Variants in FMN1 observed in about 807,000 individuals in gnomAD.
FMN1 encodes the protein formin 1, also known as formin-1.
Under a neutral mutation model 132.4 loss-of-function variants are expected in FMN1, and 110 were observed. The ratio of observed to expected loss-of-function variants is 0.83; its 90% confidence interval spans 0.71 to 0.97. FMN1 has a LOEUF of 0.97. Among genes scored for constraint, FMN1 ranks in the 50% least tolerant of loss-of-function variants. The pLI is 0.00. For missense variants in FMN1, 1,792 were observed against 1,705.3 expected (o/e 1.05, Z -0.90); for synonymous variants, 722 against 651.7 (o/e 1.11, Z -1.64).
intron 6 of FMN1, among the ~76,000 whole-genome samples, chr15:33,056,087 A>G (rs1041996868): frequency 2.6e-5 from 4 of 152,216 alleles, no homozygotes; most frequent in Non-Finnish European, 5.9e-5. Context: ...GCACTGTCAT[A>G]TGCTGCTGGT....
At chr15:32,916,182 G>A (rs1478919333) in intron 10 of FMN1, among the ~76,000 whole-genome samples, 1 of 152,180 alleles carries the variant, frequency 6.6e-6, no homozygotes, top group Non-Finnish European at 1.5e-5. Flanking sequence ...TAGGGCACAT[G>A]CAAGGGGTCA....
At chr15:33,075,114 T>TTA (rs1051649006) in intron 5 of FMN1, among the ~76,000 whole-genome samples, 1 of 149,590 alleles carries the variant, frequency 6.7e-6, no homozygotes, top group Non-Finnish European at 1.5e-5. Flanking sequence ...CTGGGGCAAG[T>TTA]TATATATAAG....
At chr15:32,832,261 A>G (rs1464177821) in intron 17 of FMN1, among the ~76,000 whole-genome samples, 1 of 152,208 alleles carries the variant, frequency 6.6e-6, no homozygotes, top group Non-Finnish European at 1.5e-5. Flanking sequence ...CGATGGATTT[A>G]ATGCTTTTGT....
At chr15:33,071,748 A>T (rs1046584421) in intron 5 of FMN1, among the ~76,000 whole-genome samples, 10 of 152,218 alleles carry the variant, frequency 6.6e-5, no homozygotes, top group African/African-American at 2.4e-4. Context: ...TCATGACCAT[A>T]AAAAATGTTA....
intron 16 of FMN1, among the ~76,000 whole-genome samples, chr15:32,870,472 T>G (rs891577093): frequency 1.1e-4 from 17 of 152,294 alleles, no homozygotes; most frequent in African/African-American, 4.1e-4. Flanking sequence ...ATGAAAAAAT[T>G]TAAGCAGAGG....
intron 16 of FMN1, among the ~76,000 whole-genome samples, chr15:32,857,876 C>T (rs1176769216): frequency 2.6e-5 from 4 of 152,204 alleles, no homozygotes; most frequent in Non-Finnish European, 5.9e-5. Context: ...GTTAACCCAG[C>T]CAAGAGGCAT....
At chr15:33,175,357 C>T (rs2140329675) in intron 3 of FMN1, among the ~76,000 whole-genome samples, 1 of 152,286 alleles carries the variant, frequency 6.6e-6, no homozygotes, top group Non-Finnish European at 1.5e-5. Context: ...GCGTAAGCCA[C>T]CATGCCCAAC....
intron 6 of FMN1, among the ~76,000 whole-genome samples, chr15:33,044,202 T>C (rs1184071101): frequency 6.6e-6 from 1 of 152,204 alleles, no homozygotes; most frequent in African/African-American, 2.4e-5. Flanking sequence ...GAGGGCAGCT[T>C]AGCATTGGCC....
chr15:33,050,021 C>G lies in FMN1; in HGVS notation c.2161+14936G>C, dbSNP rs574005776. ...ACCATTCTATTTTTCACTTCTGGTA[C>G]AGTATTCAACAAATTATATTAGATA... is the stretch of plus-strand genomic sequence containing the variant. On this transcript the variant is annotated intron_variant, in intron 6 of 20. Transcript: ENST00000616417. 1.4e-3 allele frequency among the ~76,000 whole-genome samples: 210 copies of G among 152,292 alleles called. 1 individual carries two copies. Among genetic ancestry groups the G allele is most frequent in the African/African-American group, 4.5e-3 (186 of 41,546 alleles).
chr15:33,116,885 G>A lies in FMN1; in HGVS notation c.1868-27911C>T, dbSNP rs16965114. On this transcript the variant is annotated intron_variant, in intron 4 of 20. Coordinates refer to ENST00000616417, the MANE Select transcript of FMN1 (RefSeq NM_001277313.2). ...AACAGAGATCTTTCGAAAGTTTGTT[G>A]AGGATTAAAGAAAACGAAGTACTTG... Among the ~76,000 whole-genome samples the A allele has an allele frequency of 3.1e-3, 465 of 152,214 alleles. 3 individuals carry two copies. The highest frequency in any genetic ancestry group is 0.01 in the African/African-American group (434 of 41,536).
chr15:33,040,608 T>A (rs2036388330), intron 6 of FMN1, among the ~76,000 whole-genome samples: 1 of 152,208 alleles, frequency 6.6e-6, no homozygotes, highest in African/African-American at 2.4e-5. Context: ...TTAGATATGA[T>A]CTGGGAGCAA....
chr15:32,963,969 G>T, intron 9 of FMN1, 138 bp downstream of exon 9: 4 of 443,518 alleles, frequency 9.0e-6, no homozygotes, highest in South Asian at 6.3e-5. Flanking sequence ...AAATTCCTAT[G>T]ATACACACAC....
intron 18 of FMN1, among the ~76,000 whole-genome samples, chr15:32,801,950 G>A (rs2057495698): frequency 6.6e-6 from 1 of 152,194 alleles, no homozygotes; most frequent in Non-Finnish European, 1.5e-5. Context: ...TTTAAATTCA[G>A]TTTTGATTCA....
chr15:32,878,540 G>A (rs1187862245), intron 16 of FMN1, among the ~76,000 whole-genome samples: 1 of 152,296 alleles, frequency 6.6e-6, no homozygotes, highest in East Asian at 1.9e-4. Flanking sequence ...GAGTCAACAG[G>A]ACTAGCTGTC....
rs1170780060 is a variant in FMN1 at position 33,153,630 on chromosome 15, T to C, written c.1285A>G (p.Lys429Glu). ...KVPLKVIESE[K>E]LDEAPEGKRL... is the part of the protein sequence containing the mutation. ...TTCCCCTCAGGGGCTTCATCTAACTTCTCACTCTCTATCACCTTCAGGGGG... is the reference window on the plus strand; with the variant it reads ...TTCCCCTCAGGGGCTTCATCTAACTCCTCACTCTCTATCACCTTCAGGGGG... Residue 429 changes from lysine (K) to glutamate (E), a missense_variant, in exon 4 of 21, where the codon AAG becomes GAG. By Grantham distance (56) the Lys-to-Glu change is moderately conservative. Coordinates refer to ENST00000616417, the MANE Select transcript of FMN1 (RefSeq NM_001277313.2). The C allele has an allele frequency of 9.8e-6, 15 of 1,536,062 alleles. No homozygotes were observed. Among genetic ancestry groups the C allele is most frequent in the Non-Finnish European group, 1.2e-5 (14 of 1,146,932 alleles).
At position 32,773,464 on chromosome 15, in the gene FMN1, C is replaced by T. The variant is rs2056315212; in HGVS notation, c.*846G>A. 1 of 152,166 alleles carries T rather than the reference C, an allele frequency of 6.6e-6. No individual in the cohort carries two copies. The allele number at this position is 152,166 out of a possible 1,614,324, so 9.4% of individuals were successfully genotyped here. A position where few individuals can be genotyped will look rare whatever the true frequency, so the allele number is the denominator to read the frequency against. On this transcript the variant is annotated 3_prime_UTR_variant, in exon 21 of 21. Transcript: ENST00000616417. ...TGAACGGTCCAAAATGTAAAAGGTG[C>T]TCTGCCGCTGGGTCTCTTGTCCAAG...
chr15:32,913,305 T>G (rs901790112), intron 10 of FMN1, among the ~76,000 whole-genome samples: 1 of 152,170 alleles, frequency 6.6e-6, no homozygotes, highest in South Asian at 2.1e-4. Context: ...CATCAATCCA[T>G]CCTTCATTGT....
chr15:33,180,144 G>A (rs1301018831), intron 3 of FMN1, 54 bp downstream of exon 3: 2 of 152,158 alleles, frequency 1.3e-5, no homozygotes, highest in East Asian at 3.9e-4. Flanking sequence ...CAGGGCCAGA[G>A]CACAGCGTGT....
chr15:32,957,465 C>T (rs1356209667), intron 9 of FMN1, among the ~76,000 whole-genome samples: 1 of 151,884 alleles, frequency 6.6e-6, no homozygotes, highest in Admixed American at 6.6e-5. Flanking sequence ...AACTCTTTAT[C>T]TTTCAGTGAA....
Sources: allele counts gnomAD v4.1 joint callset (sites outside exome capture counted in the v4.1 genomes callset), GRCh38; gene constraint gnomAD v4.1.1; transcripts MANE v1.5; gene names NCBI Gene and HGNC (gene_info 2026-07-23, HGNC 2026-07-21).